The following FAM114A1 variants were observed in gnomAD, a reference collection of about 807,000 sequenced individuals.
FAM114A1 encodes protein NOXP20.
Under a neutral mutation model 64.3 loss-of-function variants are expected in FAM114A1, and 62 were observed. That is an observed-to-expected ratio of 0.96 (90% CI 0.79 to 1.19). FAM114A1 has a LOEUF of 1.19. Ranked by LOEUF, FAM114A1 falls within the 50% of genes most tolerant of loss-of-function variation. FAM114A1 has a pLI of 0.00. For missense variants in FAM114A1, 645 were observed against 676.3 expected, an observed-to-expected ratio of 0.95 and a Z score of 0.51; for synonymous variants, 254 against 251.1, an observed-to-expected ratio of 1.01 and a Z score of -0.11.
chr4:38,900,058 A>G (rs1717358420), intron 4 of FAM114A1, among the ~76,000 whole-genome samples: 1 of 152,098 alleles, frequency 6.6e-6, no homozygotes, highest in African/African-American at 2.4e-5. Flanking sequence ...TGCTAATATT[A>G]TGAAATTTTT....
Position 38,906,882 on chromosome 4 carries a change from GTCAT to G in FAM114A1, c.657+1043_657+1046del, listed in dbSNP as rs147842452. ...AAAAATATGGCTCGTGTCTCATTTA[GTCAT>G]TCATTCATTCATTCATTCATTAAAA... On this transcript the variant is annotated intron_variant, in intron 6 of 14. Coordinates refer to ENST00000358869, the MANE Select transcript of FAM114A1 (RefSeq NM_138389.4). 1.1e-4 allele frequency among the ~76,000 whole-genome samples: 17 copies of G among 152,042 alleles called. 1 individual carries two copies. Among genetic ancestry groups the G allele is most frequent in the South Asian group, 4.1e-4 (2 of 4,830 alleles).
intron 9 of FAM114A1, among the ~76,000 whole-genome samples, chr4:38,925,333 CGTT>C (rs2109763172): frequency 6.6e-6 from 1 of 152,250 alleles, no homozygotes; most frequent in Admixed American, 6.5e-5. Flanking sequence ...AAAGAATAGA[CGTT>C]GTCATTAAAT....
chr4:38,891,049 A>G (rs1716317177), intron 3 of FAM114A1, among the ~76,000 whole-genome samples: 1 of 152,162 alleles, frequency 6.6e-6, no homozygotes. Flanking sequence ...TGAGTTTTCA[A>G]CTTCTGTTCA....
rs749204163 is a variant in FAM114A1 at position 38,944,068 on chromosome 4, C to CT, written c.*530dup. ...TAAAAAATAGGAACATATTGTCATT[C>CT]TTTTTTTTTTTTTTTTTTTGAGACA... On this transcript the variant is annotated 3_prime_UTR_variant, in exon 15 of 15. Transcript: ENST00000358869. 4.5e-3 allele frequency: 551 copies of CT among 122,148 alleles called. 1 individual carries two copies. The highest frequency in any genetic ancestry group is 5.7e-3 in the Non-Finnish European group (341 of 59,890). 7.6% of individuals were successfully genotyped at this position (122,148 alleles called of 1,614,324 possible).
intron 8 of FAM114A1, among the ~76,000 whole-genome samples, chr4:38,919,885 C>T (rs183734309): frequency 3.9e-5 from 6 of 152,222 alleles, no homozygotes; most frequent in Admixed American, 2.0e-4. Flanking sequence ...ACAGGCATGG[C>T]GATGCGGTGT....
Position 38,922,817 on chromosome 4 carries a change from A to T in FAM114A1, c.993A>T (p.Leu331Phe), listed in dbSNP as rs1279489182. Reference sequence around the variant, plus strand: ...TTGATGGAGAGAAGCTGGAACTCTTAAAAAATGACCTAATTTCCATTAAAG... The same window carrying T: ...TTGATGGAGAGAAGCTGGAACTCTTTAAAAATGACCTAATTTCCATTAAAG... Reference protein sequence around the residue: ...ASLDGEKLELLKNDLISIKDI... With the variant: ...ASLDGEKLELFKNDLISIKDI... The change falls in exon 9 of 15, where the codon TTA (leucine) becomes TTT (phenylalanine). Residue 331 changes from leucine (L) to phenylalanine (F), a missense_variant. Coordinates refer to ENST00000358869, the MANE Select transcript of FAM114A1 (RefSeq NM_138389.4). The T allele has an allele frequency of 1.2e-6, 2 of 1,613,450 alleles. No individual in the cohort carries two copies. The highest frequency in any genetic ancestry group is 1.7e-6 in the Non-Finnish European group (2 of 1,179,764).
At chr4:38,919,056 G>A (rs534813997) in intron 8 of FAM114A1, among the ~76,000 whole-genome samples, 104 of 152,286 alleles carry the variant, frequency 6.8e-4, no homozygotes, top group African/African-American at 2.4e-3. Context: ...GGGAGGCTGA[G>A]GCACGAGAGT....
At chr4:38,918,211 C>T (rs1259390632) in intron 8 of FAM114A1, among the ~76,000 whole-genome samples, 7 of 151,982 alleles carry the variant, frequency 4.6e-5, no homozygotes, top group African/African-American at 1.2e-4. Context: ...GCAGCAAGAG[C>T]GAAACTCCGT....
intron 4 of FAM114A1, among the ~76,000 whole-genome samples, chr4:38,899,725 A>C (rs748672601): frequency 5.9e-5 from 9 of 152,234 alleles, no homozygotes; most frequent in Non-Finnish European, 1.2e-4. Context: ...ATATCAGAGC[A>C]AATACATTAG....
intron 9 of FAM114A1, among the ~76,000 whole-genome samples, chr4:38,924,190 G>A (rs1211690927): frequency 1.3e-5 from 2 of 152,160 alleles, no homozygotes; most frequent in Non-Finnish European, 2.9e-5. Flanking sequence ...AAGAGCTGTT[G>A]TAGGGGGTCA....
intron 13 of FAM114A1, chr4:38,938,363 G>T (rs1314199326): frequency 6.6e-6 from 1 of 152,224 alleles, no homozygotes; most frequent in Non-Finnish European, 1.5e-5. Flanking sequence ...GTGACTCTGT[G>T]AATAAGGGGT....
intron 6 of FAM114A1, among the ~76,000 whole-genome samples, chr4:38,906,331 T>C (rs1717999253): frequency 6.6e-6 from 1 of 151,950 alleles, no homozygotes; most frequent in Middle Eastern, 3.2e-3. Context: ...CCAGCGTTCT[T>C]CCCCCATCCC....
At chr4:38,898,960 A>G (rs559316743) in intron 4 of FAM114A1, among the ~76,000 whole-genome samples, 135 of 147,996 alleles carry the variant, frequency 9.1e-4, no homozygotes, top group Non-Finnish European at 1.7e-3. Flanking sequence ...TATATATTAT[A>G]TATGTAATAT....
At chr4:38,876,061 G>A (rs6814341) in intron 2 of FAM114A1, among the ~76,000 whole-genome samples, 41,636 of 151,654 alleles carry the variant, frequency 0.27, 6,082 homozygotes, top group African/African-American at 0.31. Context: ...TACTGTGTGT[G>A]TATAGGTCTC....
At chr4:38,906,034 C>T (rs1269626248) in intron 6 of FAM114A1, among the ~76,000 whole-genome samples, 173 bp downstream of exon 6, 2 of 151,772 alleles carry the variant, frequency 1.3e-5, no homozygotes, top group East Asian at 3.9e-4. Flanking sequence ...ACCTTGGATT[C>T]AAAATAATAA....
chr4:38,919,341 G>A (rs1374862321), intron 8 of FAM114A1, among the ~76,000 whole-genome samples: 1 of 152,124 alleles, frequency 6.6e-6, no homozygotes, highest in East Asian at 1.9e-4. Flanking sequence ...CCTATCTGCA[G>A]CTCTATCTCT....
intron 6 of FAM114A1, among the ~76,000 whole-genome samples, chr4:38,907,452 C>A (rs775921454): frequency 3.3e-5 from 5 of 152,108 alleles, no homozygotes; most frequent in Non-Finnish European, 5.9e-5. Flanking sequence ...AACACAAATC[C>A]CTGTGTCCTT....
At position 38,921,120 on chromosome 4, in the gene FAM114A1, G is replaced by A. The variant is rs562579003; in HGVS notation, c.946-1650G>A. On this transcript the variant is annotated intron_variant, in intron 8 of 14. Coordinates refer to ENST00000358869, the MANE Select transcript of FAM114A1 (RefSeq NM_138389.4). ...CTACGGCTCCACCGCTGTCTCTCTC[G>A]CCAGAGCAAGAGTTTGACCTGCAGA... Among the ~76,000 whole-genome samples the A allele has an allele frequency of 2.6e-5, 4 of 152,234 alleles. No homozygotes were observed. The East Asian group carries it at 5.8e-4, about 22-fold the overall frequency.
intron 10 of FAM114A1, among the ~76,000 whole-genome samples, chr4:38,929,723 G>A (rs942283227): frequency 3.9e-5 from 6 of 152,228 alleles, no homozygotes; most frequent in African/African-American, 1.2e-4. Context: ...GTTGCAGGGA[G>A]CTGAGATTGT....
Sources: allele counts gnomAD v4.1 joint callset (sites outside exome capture counted in the v4.1 genomes callset), GRCh38; gene constraint gnomAD v4.1.1; transcripts MANE v1.5; gene names NCBI Gene and HGNC (gene_info 2026-07-23, HGNC 2026-07-21).